NOL8: variants seen among roughly 807,000 people sequenced by gnomAD.
NOL8 encodes nucleolar protein Nop132.
A neutral mutation model predicts 116.1 loss-of-function variants in NOL8; 93 were observed. That is an observed-to-expected ratio of 0.80 (90% CI 0.68 to 0.95). The LOEUF (loss-of-function observed/expected upper bound fraction) is 0.95. NOL8 is among the 40% of genes least tolerant of loss of function. NOL8 has a pLI of 0.00. For missense variants in NOL8, 1,291 were observed against 1,382.8 expected (o/e 0.93, Z 1.05); for synonymous variants, 419 against 469.0 (o/e 0.89, Z 1.38).
In NOL8 at chr9:92,310,371, A is replaced by T. The variant is rs576605268; in HGVS notation, c.2596-110T>A. On this transcript the variant is annotated intron_variant, in intron 9 of 16. Coordinates refer to ENST00000442668, the MANE Select transcript of NOL8 (RefSeq NM_017948.6). ...ACACACTGAAATTCACTACATTAAG[A>T]TGTTTGCCTACCTCCATCTACTTAT... is the stretch of plus-strand genomic sequence containing the variant. The T allele has an allele frequency of 2.7e-5, 32 of 1,173,922 alleles. No homozygotes were observed. In the African/African-American group the frequency reaches 3.2e-4, roughly 12 times the overall value. 72.7% of individuals were successfully genotyped at this position (1,173,922 alleles called of 1,614,324 possible).
intron 5 of NOL8, chr9:92,318,905 A>G: frequency 1.9e-6 from 1 of 528,728 alleles, no homozygotes; most frequent in Non-Finnish European, 3.3e-6. Flanking sequence ...TAAACCGTGT[A>G]AGATGGTTTA....
chr9:92,304,483 G>A (rs1838047552), intron 12 of NOL8, among the ~76,000 whole-genome samples: 1 of 152,204 alleles, frequency 6.6e-6, no homozygotes. Flanking sequence ...TCTGAATGAT[G>A]ACATCCTGGA....
intron 10 of NOL8, among the ~76,000 whole-genome samples, chr9:92,307,225 A>G (rs1250089953): frequency 6.6e-6 from 1 of 152,214 alleles, no homozygotes; most frequent in East Asian, 1.9e-4. Flanking sequence ...CCAGACAATG[A>G]AAAGTCCTAC....
In NOL8 at chr9:92,316,090, C is replaced by T. The variant is rs768533082; in HGVS notation, c.535G>A (p.Gly179Arg). The T allele has an allele frequency of 6.2e-7, 1 of 1,613,930 alleles. No homozygotes were observed. Among genetic ancestry groups the T allele is most frequent in the South Asian group, 1.1e-5 (1 of 91,072 alleles). Residue 179 changes from glycine (G) to arginine (R), a missense_variant, in exon 7 of 17, where the codon GGG (glycine) becomes AGG (arginine). By Grantham distance (125) the Gly-to-Arg change is moderately radical (BLOSUM62 -2). Coordinates refer to ENST00000442668, the MANE Select transcript of NOL8 (RefSeq NM_017948.6). Reference protein sequence around the residue: ...SKYCHNLKKIGEDFSNTIPIS... With the variant: ...SKYCHNLKKIREDFSNTIPIS... ...GGAATGGTGTTTGAGAAATCCTCCC[C>T]TATCTTCTTCAGGTTGTGGCAGTAT...
chr9:92,320,904 G>C (rs935315810), intron 4 of NOL8, among the ~76,000 whole-genome samples: 3 of 152,166 alleles, frequency 2.0e-5, no homozygotes, highest in African/African-American at 7.2e-5. Context: ...ACCGTGCCCG[G>C]CCTCTATCTG....
intron 1 of NOL8, chr9:92,324,899 G>C (rs1176052346): frequency 6.6e-6 from 1 of 152,154 alleles, no homozygotes; most frequent in East Asian, 1.9e-4. Context: ...CTTCCTCAAT[G>C]CCATACCGAA....
Position 92,315,615 on chromosome 9 carries a change from A to T in NOL8, c.1010T>A (p.Val337Glu). The T allele has an allele frequency of 5.0e-6, 8 of 1,613,366 alleles. No homozygotes were observed. The highest frequency in any genetic ancestry group is 6.8e-6 in the Non-Finnish European group (8 of 1,179,686). The change falls in exon 7 of 17, where the codon GTA (valine) becomes GAA (glutamate). Residue 337 changes from valine to glutamate, a missense_variant. By Grantham distance (121) the Val-to-Glu change is moderately radical. Transcript: ENST00000442668. ...NESESDPFEV[V>E]RDDFKSGVHK... ...AACGCCTGATTTGAAATCATCCCTTACAACTTCAAAAGGATCACTTTCAGA... is the reference window on the plus strand; with the variant it reads ...AACGCCTGATTTGAAATCATCCCTTTCAACTTCAAAAGGATCACTTTCAGA...
chr9:92,298,621 A>G (rs1456878599), intron 15 of NOL8: 2 of 477,454 alleles, frequency 4.2e-6, no homozygotes, highest in African/African-American at 4.0e-5. Flanking sequence ...TATGGCACTA[A>G]AACTTAGGGG....
At chr9:92,309,960 C>T (rs1401819101) in intron 10 of NOL8, among the ~76,000 whole-genome samples, 1 of 152,076 alleles carries the variant, frequency 6.6e-6, no homozygotes, top group Non-Finnish European at 1.5e-5. Flanking sequence ...GTTATTTTTT[C>T]CTTTCCTTTC....
At position 92,314,958 on chromosome 9, in the gene NOL8, C is replaced by T; in HGVS notation, c.1667G>A (p.Cys556Tyr). Reference sequence around the variant, plus strand: ...GTTTTCCTTTGGTTTCTGTTTGCCACAGGTGTTCTCCTCTCCTTCTAACAG... The same window carrying T: ...GTTTTCCTTTGGTTTCTGTTTGCCATAGGTGTTCTCCTCTCCTTCTAACAG... ...ASLLEGEENT[C>Y]GKQKPKENNL... Residue 556 changes from cysteine to tyrosine, a missense_variant, in exon 7 of 17, where the codon TGT becomes TAT. Cys to Tyr is a radical substitution (Grantham distance 194). Transcript: ENST00000442668. The T allele has an allele frequency of 6.2e-7, 1 of 1,613,984 alleles. No homozygotes were observed.
rs766780387 is a variant in NOL8, at chr9:92,314,280, G to A, written c.2345C>T (p.Ala782Val). The change falls in exon 7 of 17, where the codon GCT becomes GTT. Residue 782 changes from alanine (A) to valine (V), a missense_variant. Ala to Val is a moderately conservative substitution (Grantham distance 64). Transcript: ENST00000442668. ...AAATATACTCACCAAATTTGCCAGA[G>A]CATTATGCACCAGCTTCTTCTGCAC... ...KEVQKKLVHN[A>V]LANLDGHPED... The A allele has an allele frequency of 5.1e-6, 8 of 1,575,126 alleles. No individual in the cohort carries two copies. The highest frequency in any genetic ancestry group is 6.0e-6 in the Non-Finnish European group (7 of 1,158,500).
At chr9:92,305,009 G>C (rs538106880) in intron 12 of NOL8, among the ~76,000 whole-genome samples, 238 of 151,974 alleles carry the variant, frequency 1.6e-3, no homozygotes, top group Middle Eastern at 3.4e-3. Flanking sequence ...ACATCTATAG[G>C]AAACAGAAGC....
intron 6 of NOL8, among the ~76,000 whole-genome samples, chr9:92,316,846 G>A (rs1839457711): frequency 6.6e-6 from 1 of 152,054 alleles, no homozygotes; most frequent in Non-Finnish European, 1.5e-5. Context: ...GGCCTATGTC[G>A]ACACTATCCG....
At chr9:92,310,964 G>A (rs1428050729) in intron 8 of NOL8, 182 bp downstream of exon 8, 2 of 583,926 alleles carry the variant, frequency 3.4e-6, no homozygotes, top group Non-Finnish European at 6.0e-6. Flanking sequence ...CAGATGTTGT[G>A]GAGAATATAG....
chr9:92,301,759 C>T lies in NOL8; in HGVS notation c.2967G>A (p.Met989Ile). 3 of 1,601,666 alleles carry T rather than the reference C, an allele frequency of 1.9e-6. No homozygotes were observed. Among genetic ancestry groups the T allele is most frequent in the Non-Finnish European group, 2.6e-6 (3 of 1,174,684 alleles). ...AEKLPEVSKE[M>I]YYNIAMDLKE... The stretch of plus-strand genomic sequence containing the variant: ...TCAGATCCATAGCAATATTATAATA[C>T]ATTTCTTTAGACACCTCAGGTAGTT... Residue 989 changes from methionine (M) to isoleucine (I), a missense_variant, in exon 13 of 17, where the codon ATG (methionine) becomes ATA (isoleucine). Transcript: ENST00000442668.
chr9:92,305,299 C>T (rs1838128788), intron 12 of NOL8, among the ~76,000 whole-genome samples: 1 of 152,050 alleles, frequency 6.6e-6, no homozygotes, highest in South Asian at 2.1e-4. Flanking sequence ...CCAAGGAACA[C>T]CAAAGGATTG....
At chr9:92,312,910 A>G (rs118011233) in intron 7 of NOL8, among the ~76,000 whole-genome samples, 4,568 of 151,310 alleles carry the variant, frequency 0.03, 108 homozygotes, top group South Asian at 0.078. Flanking sequence ...TAATCTGTAC[A>G]CCGAACCTCC....
intron 3 of NOL8, 34 bp from the exon 4 acceptor site, chr9:92,321,780 A>C: frequency 9.8e-7 from 1 of 1,021,664 alleles, no homozygotes. Flanking sequence ...AGTACATGGC[A>C]ATGTAAAAAT....
In NOL8 at chr9:92,314,399, A is replaced by G; in HGVS notation, c.2226T>C (p.Ile742=). Residue 742 remains isoleucine (I), a synonymous_variant, in exon 7 of 17, where the codon ATT becomes ATC. Transcript: ENST00000442668. ...REIKTDFSLS[I]SNSSDVSAKD... ...TAGCACTCACATCTGACGAATTACT[A>G]ATAGAAAGTGAGAAATCAGTTTTGA... 1.2e-6 allele frequency: 2 copies of G among 1,613,572 alleles called. No homozygotes were observed. The highest frequency in any genetic ancestry group is 2.2e-5 in the South Asian group (2 of 91,074).
Sources: gnomAD v4.1 joint callset for allele counts (sites outside exome capture counted in the v4.1 genomes callset) on GRCh38, gnomAD v4.1.1 for gene constraint, MANE v1.5 for transcripts, NCBI Gene and HGNC (gene_info 2026-07-23, HGNC 2026-07-21) for gene names.